The following LEMD2 variants were observed in gnomAD, a reference collection of about 807,000 sequenced individuals.
The protein encoded by LEMD2 is LEM domain-containing protein 2.
LEMD2 carries 34 observed loss-of-function variants against 58.8 expected under a neutral mutation model. The ratio of observed to expected loss-of-function variants is 0.58; its 90% CI spans 0.44 to 0.77. LEMD2 has a LOEUF of 0.77. LEMD2 is among the 30% of genes least tolerant of loss of function. The pLI is 0.00. For synonymous variants in LEMD2, 298 were observed against 308.9 expected, an observed-to-expected ratio of 0.96 and a Z score of 0.37; for missense variants, 629 against 717.9, an observed-to-expected ratio of 0.88 and a Z score of 1.42.
chr6:33,774,712 G>A (rs115245506), intron 8 of LEMD2, among the ~76,000 whole-genome samples: 2,997 of 152,274 alleles, frequency 0.02, 58 homozygotes, highest in South Asian at 0.057. Context: ...TTACAGGCAT[G>A]AGCCACCGTG....
intron 3 of LEMD2, among the ~76,000 whole-genome samples, chr6:33,782,595 C>T (rs996717926): frequency 1.3e-5 from 2 of 152,270 alleles, no homozygotes; most frequent in Non-Finnish European, 2.9e-5. Context: ...TCCTGTGACG[C>T]TCTCCTGACT....
intron 2 of LEMD2, among the ~76,000 whole-genome samples, chr6:33,785,072 C>A (rs1767646570): frequency 6.6e-6 from 1 of 152,174 alleles, no homozygotes; most frequent in Non-Finnish European, 1.5e-5. Flanking sequence ...CCCACGTTTT[C>A]AGCAGCACAA....
chr6:33,773,202 C>T (rs1729071497), intron 8 of LEMD2, among the ~76,000 whole-genome samples: 1 of 152,180 alleles, frequency 6.6e-6, no homozygotes, highest in African/African-American at 2.4e-5. Context: ...CTAAGCTCCA[C>T]AGCACTCCAG....
rs1767731040 is a variant in LEMD2, at chr6:33,788,325, C to T, written c.736+56G>A. 5 of 1,487,646 alleles carry T rather than the reference C, an allele frequency of 3.4e-6. No individual in the cohort carries two copies. In the Admixed American group the frequency reaches 1.0e-4, roughly 31 times the overall value. The allele number at this position is 1,487,646 out of a possible 1,614,324, so 92.2% of individuals were successfully genotyped here. ...CCTGGCGCCGACAGGAACGGGGGGTCCTCCGGCGGACACACGCGCGCCCAG... is the reference window on the plus strand; with the variant it reads ...CCTGGCGCCGACAGGAACGGGGGGTTCTCCGGCGGACACACGCGCGCCCAG... On this transcript the variant is annotated intron_variant, in intron 1 of 8. Transcript: ENST00000293760.
At chr6:33,785,353 C>G (rs1405803350) in intron 2 of LEMD2, among the ~76,000 whole-genome samples, 1 of 152,146 alleles carries the variant, frequency 6.6e-6, no homozygotes, top group Non-Finnish European at 1.5e-5. Context: ...TTCTGATGCT[C>G]TGATGAAGGT....
At chr6:33,783,427 G>A (rs1025688188) in intron 3 of LEMD2, among the ~76,000 whole-genome samples, 5 of 152,306 alleles carry the variant, frequency 3.3e-5, no homozygotes, top group African/African-American at 9.6e-5. Context: ...TGAAACCTTA[G>A]ACAAGGGTTG....
In LEMD2 at chr6:33,772,442, G is replaced by A. The variant is rs1767321590; in HGVS notation, c.*186C>T. On this transcript the variant is annotated 3_prime_UTR_variant, in exon 9 of 9. Coordinates refer to ENST00000293760, the MANE Select transcript of LEMD2 (RefSeq NM_181336.4). ...CTGGCTTCTCCCCCTCCCTTTAAAGGAAGCCCACATTTTCCTGCGAGCCGA... is the reference window on the plus strand; with the variant it reads ...CTGGCTTCTCCCCCTCCCTTTAAAGAAAGCCCACATTTTCCTGCGAGCCGA... The A allele has an allele frequency of 1.8e-6, 1 of 547,272 alleles. No individual in the cohort carries two copies. The allele number at this position is 547,272 out of a possible 1,614,324, so 33.9% of individuals were successfully genotyped here.
Position 33,777,169 on chromosome 6 carries a change from T to G in LEMD2, c.1227A>C (p.Gln409His), listed in dbSNP as rs201372857. The change falls in exon 7 of 9, where the codon CAA (glutamine) becomes CAC (histidine). Residue 409 changes from glutamine (Q) to histidine (H), a missense_variant. Transcript: ENST00000293760. ...YRWRKLEEEE[Q>H]AMYEMVKKII... is the part of the protein sequence containing the mutation. Reference sequence around the variant, plus strand: ...TCTTCTTCACCATCTCATACATGGCTTGTTCCTCCTCTTCTAACTTTCGCC... The same window carrying G: ...TCTTCTTCACCATCTCATACATGGCGTGTTCCTCCTCTTCTAACTTTCGCC... The G allele has an allele frequency of 3.3e-5, 53 of 1,614,196 alleles. No homozygotes were observed. Among genetic ancestry groups the G allele is most frequent in the Non-Finnish European group, 4.3e-5 (51 of 1,180,016 alleles).
rs563482513 is a variant in LEMD2 at position 33,781,161 on chromosome 6, A to G, written c.854-8T>C. 26 of 1,510,132 alleles carry G rather than the reference A, an allele frequency of 1.7e-5. No homozygotes were observed. The African/African-American group carries it at 2.9e-4, about 17-fold the overall frequency. 93.5% of individuals were successfully genotyped at this position (1,510,132 alleles called of 1,614,324 possible). A position where few individuals can be genotyped will look rare whatever the true frequency, so the allele number is the denominator to read the frequency against. ...TTCCACACTCAAAATTACCTAGGAG[A>G]AAAAAAACCACACATGCTCAAACAC... is the stretch of plus-strand genomic sequence containing the variant. On this transcript the variant is annotated splice_polypyrimidine_tract_variant and splice_region_variant and intron_variant, in intron 3 of 8. Transcript: ENST00000293760.
rs2127384347 is a variant in LEMD2, at chr6:33,788,622, C to T, written c.495G>A (p.Ala165=). 3.9e-6 allele frequency: 5 copies of T among 1,273,284 alleles called. No homozygotes were observed. The highest frequency in any genetic ancestry group is 1.6e-5 in the African/African-American group (1 of 64,218). The allele number at this position is 1,273,284 out of a possible 1,614,324, so 78.9% of individuals were successfully genotyped here. The change falls in exon 1 of 9, where the codon GCG becomes GCA. Residue 165 remains alanine (A), a synonymous_variant. Transcript: ENST00000293760. ...AAGGCAGCCGCGCCGGGGCGGGAGA[C>T]GCTGCCCACCAGCGGCGGGCCGCGA... ...PGLAARRWWA[A]SPAPARLPSS...
In LEMD2 at chr6:33,788,867, G is replaced by A; in HGVS notation, c.250C>T (p.Arg84Trp). 3 of 1,378,410 alleles carry A rather than the reference G, an allele frequency of 2.2e-6. No individual in the cohort carries two copies. Among genetic ancestry groups the A allele is most frequent in the East Asian group, 3.1e-5 (1 of 32,328 alleles). The allele number at this position is 1,378,410 out of a possible 1,614,324, so 85.4% of individuals were successfully genotyped here. Residue 84 changes from arginine to tryptophan, a missense_variant, in exon 1 of 9, where the codon CGG (arginine) becomes TGG (tryptophan). By Grantham distance (101) the Arg-to-Trp change is moderately radical. Around this residue, in one of 2 missense-constraint regions of LEMD2, gnomAD observed 386 missense variants for 381.1 expected, o/e 1.01. Transcript: ENST00000293760. ...GGCTGGGAGAGCCAGGGCTCCGCCCGCGGAGAGGCCGCGGCGGGCCGGGCG... is the reference window on the plus strand; with the variant it reads ...GGCTGGGAGAGCCAGGGCTCCGCCCACGGAGAGGCCGCGGCGGGCCGGGCG... ...LRARPAAASP[R>W]AEPWLSQPAS...
chr6:33,778,318 G>A lies in LEMD2; in HGVS notation c.1080C>T (p.His360=). ...GGCGGCAGCCAACACCCATGCGGGG[G>A]TGGGCAGATTCCAGGCAGACCACCT... ...VDKVVCLESA[H]PRMGVGCRLS... is the part of the protein sequence containing the mutation. The change falls in exon 6 of 9, where the codon CAC becomes CAT. Residue 360 remains histidine (H), a synonymous_variant. Coordinates refer to ENST00000293760, the MANE Select transcript of LEMD2 (RefSeq NM_181336.4). The surrounding 1 kb of genome is among the most constrained non-coding windows in gnomAD (Gnocchi z 4.7). The A allele has an allele frequency of 6.2e-7, 1 of 1,608,712 alleles. No homozygotes were observed. The highest frequency in any genetic ancestry group is 1.7e-5 in the Admixed American group (1 of 59,228).
At position 33,772,752 on chromosome 6, in the gene LEMD2, C is replaced by G. The variant is rs748521374; in HGVS notation, c.1388G>C (p.Arg463Pro). ...GTTGGAGGCCAGGAACTCCACAGCTCGGTCCCAGACACGCTTCATGCGCCT... is the reference window on the plus strand; with the variant it reads ...GTTGGAGGCCAGGAACTCCACAGCTGGGTCCCAGACACGCTTCATGCGCCT... ...SRRRMKRVWD[R>P]AVEFLASNES... Residue 463 changes from arginine to proline, a missense_variant, in exon 9 of 9, where the codon CGA becomes CCA. Around this residue, in one of 2 missense-constraint regions of LEMD2, gnomAD observed 243 missense variants for 336.8 expected, o/e 0.72. Transcript: ENST00000293760. 6.2e-7 allele frequency: 1 copy of G among 1,613,668 alleles called. No homozygotes were observed. The highest frequency in any genetic ancestry group is 1.3e-5 in the African/African-American group (1 of 74,948).
intron 8 of LEMD2, among the ~76,000 whole-genome samples, chr6:33,774,621 G>A (rs1214757355): frequency 6.6e-6 from 1 of 152,072 alleles, no homozygotes; most frequent in Non-Finnish European, 1.5e-5. Flanking sequence ...GTAAAGATGG[G>A]GTTTCACTAT....
intron 8 of LEMD2, among the ~76,000 whole-genome samples, chr6:33,774,855 G>A (rs1486374073): frequency 1.3e-5 from 2 of 152,152 alleles, no homozygotes; most frequent in African/African-American, 2.4e-5. Flanking sequence ...TCCTTCCTGA[G>A]AACAAATGCT....
chr6:33,779,599 T>G (rs1767518326), intron 5 of LEMD2: 1 of 153,048 alleles, frequency 6.5e-6, no homozygotes, highest in South Asian at 2.0e-4. Flanking sequence ...ATGAAAGGGT[T>G]TGCTACCTTT....
chr6:33,787,070 G>C, intron 1 of LEMD2: 1 of 407,566 alleles, frequency 2.5e-6, no homozygotes, highest in Non-Finnish European at 4.3e-6. Flanking sequence ...TGTAAAACGG[G>C]ATCAAATGGG....
At position 33,774,499 on chromosome 6, in the gene LEMD2, G is replaced by A. The variant is rs56665762; in HGVS notation, c.1362-1721C>T. On this transcript the variant is annotated intron_variant, in intron 8 of 8. Coordinates refer to ENST00000293760, the MANE Select transcript of LEMD2 (RefSeq NM_181336.4). ...GGCTGGTGTGCAATGGCATGATCTC[G>A]GCTTACTGCAACCTCCACCTCTTGG... Among the ~76,000 whole-genome samples the A allele has an allele frequency of 5.2e-3, 681 of 131,706 alleles. 26 individuals are homozygous for A. In the East Asian group the frequency reaches 0.096, roughly 19 times the overall value. The allele number at this position is 131,706 out of a possible 152,430, so 86.4% of individuals were successfully genotyped here.
Position 33,778,473 on chromosome 6 carries a change from G to A in LEMD2, c.1011-86C>T, listed in dbSNP as rs1410668592. ...CCCACTTCAAACAGGAGGAAGCGAAGGAAAGTGGGGACGCAAGGCCTCTAC... is the reference window on the plus strand; with the variant it reads ...CCCACTTCAAACAGGAGGAAGCGAAAGAAAGTGGGGACGCAAGGCCTCTAC... On this transcript the variant is annotated intron_variant, in intron 5 of 8. Transcript: ENST00000293760. The surrounding 1 kb of genome is among the most constrained non-coding windows in gnomAD (Gnocchi z 4.7). The A allele has an allele frequency of 2.6e-6, 3 of 1,144,856 alleles. No homozygotes were observed. The highest frequency in any genetic ancestry group is 3.6e-6 in the Non-Finnish European group (3 of 843,932). The allele number at this position is 1,144,856 out of a possible 1,614,324, so 70.9% of individuals were successfully genotyped here.
Sources: gnomAD v4.1 joint callset for allele counts (sites outside exome capture counted in the v4.1 genomes callset) on GRCh38, gnomAD v4.1.1 for gene constraint, gnomAD v4.1.1 regional missense constraint, Gnocchi (gnomAD v3.1) non-coding constraint, MANE v1.5 for transcripts, NCBI Gene and HGNC (gene_info 2026-07-23, HGNC 2026-07-21) for gene names.